ERG: variants seen among roughly 807,000 people sequenced by gnomAD.
ERG encodes ETS transcription factor ERG.
Under a neutral mutation model 55.3 loss-of-function variants are expected in ERG, and 9 were observed. That is an observed-to-expected ratio of 0.16 (90% CI 0.10 to 0.28). The LOEUF is 0.28. ERG is among the 10% of genes least tolerant of loss of function. The pLI is 1.00. For synonymous variants in ERG, 223 were observed against 237.3 expected, an observed-to-expected ratio of 0.94 and a Z score of 0.55; for missense variants, 434 against 631.6, an observed-to-expected ratio of 0.69 and a Z score of 3.35.
chr21:38,525,955 A>T (rs1378766139), intron 2 of ERG, among the ~76,000 whole-genome samples: 1 of 151,936 alleles, frequency 6.6e-6, no homozygotes, highest in African/African-American at 2.4e-5. Flanking sequence ...GAATCCGTTT[A>T]AAAAAAATAA....
rs147618961 is a variant in ERG at position 38,520,096 on chromosome 21, C to T, written c.-41+55566G>A. On this transcript the variant is annotated intron_variant, in intron 2 of 8. Transcript: ENST00000398897. ...TCAGTTAGCAGGTCAAAACTTTTCA[C>T]GTGTGAAATACTTTTGCAAGGAGGC... is the stretch of plus-strand genomic sequence containing the variant. 1.4e-4 allele frequency among the ~76,000 whole-genome samples: 21 copies of T among 152,192 alleles called. No individual in the cohort carries two copies. In the East Asian group the frequency reaches 3.3e-3, roughly 24 times the overall value.
chr21:38,507,212 G>T (rs188375551), intron 2 of ERG, among the ~76,000 whole-genome samples: 2 of 152,308 alleles, frequency 1.3e-5, no homozygotes, highest in East Asian at 3.9e-4. Flanking sequence ...CACAGGAGGG[G>T]TCCACTGGCG....
chr21:38,406,182 G>A (rs1259792816), intron 3 of ERG, among the ~76,000 whole-genome samples: 2 of 115,614 alleles, frequency 1.7e-5, no homozygotes, highest in Admixed American at 1.9e-4. Context: ...AAAATCATCA[G>A]TGCGCAGAAC....
At chr21:38,427,135 C>T (rs1989866755) in intron 2 of ERG, among the ~76,000 whole-genome samples, 1 of 152,202 alleles carries the variant, frequency 6.6e-6, no homozygotes. Context: ...GTAATCTCAG[C>T]ACTTTGGGAG....
chr21:38,397,358 G>C (rs938255348), intron 6 of ERG, among the ~76,000 whole-genome samples: 1 of 152,144 alleles, frequency 6.6e-6, no homozygotes, highest in Non-Finnish European at 1.5e-5. Flanking sequence ...CCAGCACTTT[G>C]GGAGGCAGAG....
chr21:38,555,531 C>T (rs1374577757), intron 2 of ERG, among the ~76,000 whole-genome samples: 1 of 151,832 alleles, frequency 6.6e-6, no homozygotes, highest in Non-Finnish European at 1.5e-5. Context: ...AAGGATGTAA[C>T]TTATATGTTA....
intron 1 of ERG, among the ~76,000 whole-genome samples, chr21:38,629,553 A>G (rs963416070): frequency 7.2e-5 from 11 of 152,176 alleles, no homozygotes; most frequent in African/African-American, 2.4e-4. Flanking sequence ...CTCAACATCA[A>G]TGAGATACCA....
At chr21:38,474,033 A>C (rs1240014842) in intron 1 of ERG, 2 of 152,134 alleles carry the variant, frequency 1.3e-5, no homozygotes, top group Admixed American at 6.5e-5. Context: ...TCACAAGTAA[A>C]TCTTTTAAGG....
intron 1 of ERG, among the ~76,000 whole-genome samples, chr21:38,583,894 G>A (rs1041971397): frequency 1.3e-5 from 2 of 152,202 alleles, no homozygotes; most frequent in African/African-American, 2.4e-5. Context: ...CCGGAACGGT[G>A]AGATGATGAA....
intron 1 of ERG, among the ~76,000 whole-genome samples, chr21:38,577,893 C>T (rs1292162122): frequency 2.0e-5 from 3 of 152,226 alleles, no homozygotes; most frequent in East Asian, 1.9e-4. Flanking sequence ...GCTCGTCCCC[C>T]TCCCCTCAAA....
intron 6 of ERG, among the ~76,000 whole-genome samples, chr21:38,394,074 G>C (rs1343354717): frequency 6.6e-6 from 1 of 152,144 alleles, no homozygotes; most frequent in Non-Finnish European, 1.5e-5. Context: ...TGGACAGCCA[G>C]AGTTTCAATT....
At chr21:38,526,534 TGTGA>T (rs1474029742) in intron 2 of ERG, among the ~76,000 whole-genome samples, 1 of 152,144 alleles carries the variant, frequency 6.6e-6, no homozygotes, top group Non-Finnish European at 1.5e-5. Context: ...TGAATAAAAC[TGTGA>T]GTAAGATGTC....
intron 1 of ERG, among the ~76,000 whole-genome samples, chr21:38,596,474 G>A (rs943164764): frequency 1.3e-5 from 2 of 152,130 alleles, no homozygotes; most frequent in African/African-American, 4.8e-5. Context: ...TCCACCACAG[G>A]GCCCTCTCTT....
chr21:38,455,822 G>A (rs1044173904), intron 1 of ERG, among the ~76,000 whole-genome samples: 5 of 151,874 alleles, frequency 3.3e-5, no homozygotes, highest in African/African-American at 9.7e-5. Context: ...GGGGTGAGGG[G>A]GTGGGGGTGT....
At chr21:38,521,619 C>A (rs995814272) in intron 2 of ERG, among the ~76,000 whole-genome samples, 1 of 152,060 alleles carries the variant, frequency 6.6e-6, no homozygotes, top group African/African-American at 2.4e-5. Context: ...GAACCTGGTA[C>A]AAGTGAAGTT....
At chr21:38,525,818 T>A (rs909305012) in intron 2 of ERG, among the ~76,000 whole-genome samples, 4 of 152,146 alleles carry the variant, frequency 2.6e-5, no homozygotes, top group Non-Finnish European at 5.9e-5. Context: ...CAACCACACC[T>A]TCGGTGGAGA....
intron 2 of ERG, among the ~76,000 whole-genome samples, chr21:38,429,735 G>GTATA (rs141931058): frequency 3.3e-5 from 2 of 60,844 alleles, no homozygotes; most frequent in African/African-American, 1.1e-4. Flanking sequence ...ATATATGTGT[G>GTATA]TATATATATA....
upstream of ERG, among the ~76,000 whole-genome samples, chr21:38,588,982 C>T (rs2060083825): frequency 6.6e-6 from 1 of 152,170 alleles, no homozygotes; most frequent in African/African-American, 2.4e-5. Flanking sequence ...CCTCCTCTCT[C>T]AGCCTCCCAA....
chr21:38,634,383 G>A (rs562895032), intron 1 of ERG, among the ~76,000 whole-genome samples: 2 of 152,302 alleles, frequency 1.3e-5, no homozygotes, highest in African/African-American at 4.8e-5. Flanking sequence ...AAACACAGCT[G>A]TGCATAACGG....
Sources: allele counts gnomAD v4.1 joint callset (sites outside exome capture counted in the v4.1 genomes callset), GRCh38; gene constraint gnomAD v4.1.1; transcripts MANE v1.5; gene names NCBI Gene and HGNC (gene_info 2026-07-23, HGNC 2026-07-21).